ADGRD1: variants seen among roughly 807,000 people sequenced by gnomAD.
ADGRD1 encodes G-protein coupled receptor 133.
ADGRD1 carries 77 observed loss-of-function variants against 113.4 expected under a neutral mutation model. The ratio of observed to expected loss-of-function variants is 0.68; its 90% CI spans 0.57 to 0.82. The LOEUF (loss-of-function observed/expected upper bound fraction) is 0.82, where lower values mean the gene tolerates loss of function less well. Among genes scored for constraint, ADGRD1 ranks in the 40% least tolerant of loss-of-function variants. ADGRD1 has a pLI of 0.00. For synonymous variants in ADGRD1, 474 were observed against 475.0 expected (o/e 1.00, Z 0.03); for missense variants, 1,036 against 1,139.1 (o/e 0.91, Z 1.30).
In ADGRD1 at chr12:130,992,182, TATA is replaced by T. The variant is rs1365909582; in HGVS notation, c.811-51_811-49del. 5.0e-5 allele frequency: 69 copies of T among 1,369,422 alleles called. No individual in the cohort carries two copies. The African/African-American group carries it at 9.5e-4, about 19-fold the overall frequency. 84.8% of individuals were successfully genotyped at this position (1,369,422 alleles called of 1,614,324 possible). A position where few individuals can be genotyped will look rare whatever the true frequency, so the allele number is the denominator to read the frequency against. ...CAGAGTAGGACACATTAAACTTCTGTATAATATTTTGGTTTTAGTTCTTAGTAG... is the reference window on the plus strand; with the variant it reads ...CAGAGTAGGACACATTAAACTTCTGTATATTTTGGTTTTAGTTCTTAGTAG... On this transcript the variant is annotated intron_variant, in intron 7 of 24. Coordinates refer to ENST00000261654, the MANE Select transcript of ADGRD1 (RefSeq NM_198827.5).
intron 13 of ADGRD1, among the ~76,000 whole-genome samples, chr12:131,018,501 C>T (rs148454643): frequency 3.3e-5 from 5 of 151,876 alleles, no homozygotes; most frequent in South Asian, 4.2e-4. Context: ...TCGGGTCGGC[C>T]GCCTCACGCA....
intron 13 of ADGRD1, among the ~76,000 whole-genome samples, chr12:131,015,238 TG>T (rs1878415030): frequency 6.6e-6 from 1 of 152,264 alleles, no homozygotes; most frequent in Non-Finnish European, 1.5e-5. Flanking sequence ...CCCACACACT[TG>T]TGCTGCTGGG....
chr12:131,028,328 T>C (rs1880214248), intron 13 of ADGRD1, among the ~76,000 whole-genome samples: 1 of 152,128 alleles, frequency 6.6e-6, no homozygotes, highest in South Asian at 2.1e-4. Flanking sequence ...TTTTAAGGAG[T>C]TTTTGTGTAT....
At chr12:131,031,044 A>G (rs1205685191) in intron 13 of ADGRD1, among the ~76,000 whole-genome samples, 1 of 152,132 alleles carries the variant, frequency 6.6e-6, no homozygotes, top group African/African-American at 2.4e-5. Context: ...AACAGGCCAC[A>G]TGGGAGCCCG....
intron 2 of ADGRD1, chr12:130,962,862 C>G (rs542047988): frequency 2.6e-5 from 4 of 152,080 alleles, no homozygotes; most frequent in African/African-American, 9.7e-5. Flanking sequence ...AAAGTGGAAC[C>G]AAGGAACAGG....
chr12:131,109,839 G>C (rs1234704717), intron 18 of ADGRD1, among the ~76,000 whole-genome samples: 1 of 152,162 alleles, frequency 6.6e-6, no homozygotes, highest in Admixed American at 6.5e-5. Flanking sequence ...GTCACCACTT[G>C]TTGTATTGTG....
intron 15 of ADGRD1, among the ~76,000 whole-genome samples, chr12:131,097,721 C>T (rs1007906189): frequency 1.4e-4 from 21 of 152,288 alleles, no homozygotes; most frequent in South Asian, 2.1e-4. Context: ...GGATGCCAGC[C>T]GCGGAGAGAC....
At chr12:131,054,575 T>G (rs1342180176) in intron 13 of ADGRD1, among the ~76,000 whole-genome samples, 1 of 152,176 alleles carries the variant, frequency 6.6e-6, no homozygotes, top group Non-Finnish European at 1.5e-5. Flanking sequence ...TTCCTGGCCC[T>G]GTGTGAGCTC....
At chr12:131,033,428 G>A (rs1286559516) in intron 13 of ADGRD1, among the ~76,000 whole-genome samples, 12 of 152,226 alleles carry the variant, frequency 7.9e-5, no homozygotes, top group Admixed American at 7.2e-4. Flanking sequence ...CAGGACAGGC[G>A]TCCACATGCG....
chr12:131,074,343 A>G (rs541271777), intron 13 of ADGRD1, among the ~76,000 whole-genome samples: 2 of 152,310 alleles, frequency 1.3e-5, no homozygotes, highest in South Asian at 4.1e-4. Context: ...GGAGGCCTTC[A>G]CTTCTGTCCA....
At chr12:130,959,888 T>C (rs1870139843) in intron 2 of ADGRD1, among the ~76,000 whole-genome samples, 1 of 152,248 alleles carries the variant, frequency 6.6e-6, no homozygotes, top group Non-Finnish European at 1.5e-5. Flanking sequence ...AATGTCGTAG[T>C]TGAGGGACCG....
Position 130,954,216 on chromosome 12 carries a change from A to G in ADGRD1, c.-250A>G, listed in dbSNP as rs183438773. The stretch of plus-strand genomic sequence containing the variant: ...TCGGGTTTGGGTTTCTCCTCCCTGC[A>G]TTCCACAGCTGCTCTGGTCATCGCA... On this transcript the variant is annotated 5_prime_UTR_variant, in exon 1 of 25. Coordinates refer to ENST00000261654, the MANE Select transcript of ADGRD1 (RefSeq NM_198827.5). The surrounding 1 kb of genome is among the most constrained non-coding windows in gnomAD (Gnocchi z 4.7). The G allele has an allele frequency of 1.2e-5, 5 of 406,328 alleles. No homozygotes were observed. The highest frequency in any genetic ancestry group is 4.3e-5 in the Admixed American group (1 of 23,276). 25.2% of individuals were successfully genotyped at this position (406,328 alleles called of 1,614,324 possible). A position where few individuals can be genotyped will look rare whatever the true frequency, so the allele number is the denominator to read the frequency against.
chr12:130,987,750 C>A, intron 6 of ADGRD1: 1 of 235,748 alleles, frequency 4.2e-6, no homozygotes, highest in Non-Finnish European at 8.4e-6. Flanking sequence ...GGCAGTTGTT[C>A]GGGGCAGGGG....
chr12:130,961,062 C>T (rs1190480639), intron 2 of ADGRD1, among the ~76,000 whole-genome samples: 1 of 152,180 alleles, frequency 6.6e-6, no homozygotes, highest in Non-Finnish European at 1.5e-5. Context: ...CGGCATTCCT[C>T]TGTGTGATAT....
intron 23 of ADGRD1, chr12:131,137,512 T>A (rs911958360): frequency 4.0e-5 from 8 of 199,938 alleles, no homozygotes; most frequent in Non-Finnish European, 6.1e-5. Context: ...GTGGGAGAAC[T>A]TTTCCCAAGT....
chr12:130,969,777 T>A (rs1487555335), intron 3 of ADGRD1: 6 of 152,372 alleles, frequency 3.9e-5, no homozygotes, highest in African/African-American at 1.4e-4. Flanking sequence ...CGGTCCCTGG[T>A]GCCAAAAATG....
rs1416458226 is a variant in ADGRD1, at chr12:131,027,580, G to A, written c.1473+13240G>A. 6.6e-6 allele frequency: 1 copy of A among 152,100 alleles called. No individual in the cohort carries two copies. Among genetic ancestry groups the A allele is most frequent in the Non-Finnish European group, 1.5e-5 (1 of 68,028 alleles). 9.4% of individuals were successfully genotyped at this position (152,100 alleles called of 1,614,324 possible). ...CAGAGGTAGAATTGCTCTGTTAAAT[G>A]TCTACACATTTTTTTCTCATTTTAA... On this transcript the variant is annotated intron_variant, in intron 13 of 24. Transcript: ENST00000261654. The surrounding 1 kb of genome is among the most constrained non-coding windows in gnomAD (Gnocchi z 5.1).
At chr12:131,013,557 G>C (rs1195924) in intron 12 of ADGRD1, among the ~76,000 whole-genome samples, 1 of 152,018 alleles carries the variant, frequency 6.6e-6, no homozygotes, top group South Asian at 2.1e-4. Flanking sequence ...TGAGGGCTGC[G>C]GTGCACTGAC....
intron 14 of ADGRD1, among the ~76,000 whole-genome samples, chr12:131,080,724 C>T (rs190767668): frequency 2.4e-4 from 36 of 152,230 alleles, no homozygotes; most frequent in Middle Eastern, 3.4e-3. Flanking sequence ...AGGTTCACGC[C>T]GTTCTCCTGC....
Sources: allele counts gnomAD v4.1 joint callset (sites outside exome capture counted in the v4.1 genomes callset), GRCh38; gene constraint gnomAD v4.1.1; non-coding constraint Gnocchi (gnomAD v3.1); transcripts MANE v1.5; gene names NCBI Gene and HGNC (gene_info 2026-07-23, HGNC 2026-07-21).